The following COG5 variants were observed in gnomAD, a reference collection of about 807,000 sequenced individuals.
COG5 encodes the protein component of oligomeric golgi complex 5, also known as conserved oligomeric Golgi complex subunit 5.
Under a neutral mutation model 110.4 loss-of-function variants are expected in COG5, and 86 were observed. That is an observed-to-expected ratio of 0.78 (90% CI 0.65 to 0.93). The LOEUF is 0.93. Among genes scored for constraint, COG5 ranks in the 40% least tolerant of loss-of-function variants. The probability of loss-of-function intolerance (pLI) is 0.00; values close to 1 mark genes in which losing one functional copy is unlikely to be tolerated. For synonymous variants in COG5, 360 were observed against 334.6 expected, an observed-to-expected ratio of 1.08 and a Z score of -0.83; for missense variants, 1,077 against 987.0, an observed-to-expected ratio of 1.09 and a Z score of -1.22.
intron 11 of COG5, among the ~76,000 whole-genome samples, chr7:107,305,252 G>A (rs1447551139): frequency 1.3e-5 from 2 of 152,166 alleles, no homozygotes; most frequent in East Asian, 1.9e-4. Flanking sequence ...CTGTTGTTTG[G>A]AGGATTTGGC....
intron 10 of COG5, among the ~76,000 whole-genome samples, chr7:107,338,548 C>G (rs1406182307): frequency 6.6e-6 from 1 of 151,960 alleles, no homozygotes; most frequent in Non-Finnish European, 1.5e-5. Context: ...GCTCCTAGAC[C>G]AAAATAAGGA....
chr7:107,203,432 A>G lies in COG5; in HGVS notation c.*84T>C. The G allele has an allele frequency of 3.5e-6, 3 of 862,420 alleles. No individual in the cohort carries two copies. Among genetic ancestry groups the G allele is most frequent in the South Asian group, 1.3e-5 (1 of 75,350 alleles). 53.4% of individuals were successfully genotyped at this position (862,420 alleles called of 1,614,324 possible). A position where few individuals can be genotyped will look rare whatever the true frequency, so the allele number is the denominator to read the frequency against. ...CAATTACATTCTTAAAATAGTAGAT[A>G]GTAGCAGTCTTTTGGAGTATGTGTT... On this transcript the variant is annotated 3_prime_UTR_variant, in exon 22 of 22. Transcript: ENST00000297135.
At chr7:107,423,211 C>T (rs117026964) in intron 6 of COG5, among the ~76,000 whole-genome samples, 1 of 150,148 alleles carries the variant, frequency 6.7e-6, no homozygotes, top group Non-Finnish European at 1.5e-5. Flanking sequence ...ATAAACCACA[C>T]TTTTATATTT....
intron 18 of COG5, among the ~76,000 whole-genome samples, chr7:107,234,968 A>G (rs1801064123): frequency 6.6e-6 from 1 of 152,228 alleles, no homozygotes; most frequent in Admixed American, 6.5e-5. Flanking sequence ...AAAAGGTAAA[A>G]AGAGCCATAT....
intron 6 of COG5, among the ~76,000 whole-genome samples, chr7:107,522,897 T>C (rs887564074): frequency 6.6e-6 from 1 of 152,254 alleles, no homozygotes; most frequent in Non-Finnish European, 1.5e-5. Flanking sequence ...GATCTTTATG[T>C]CTTGATTACT....
intron 11 of COG5, among the ~76,000 whole-genome samples, chr7:107,304,648 T>C (rs1315917362): frequency 6.6e-6 from 1 of 152,206 alleles, no homozygotes; most frequent in Non-Finnish European, 1.5e-5. Context: ...ATCTTAGGTC[T>C]TGTCTTAGTC....
chr7:107,540,675 ATTAT>A (rs1801916034), intron 5 of COG5, among the ~76,000 whole-genome samples: 1 of 151,476 alleles, frequency 6.6e-6, no homozygotes, highest in African/African-American at 2.4e-5. Flanking sequence ...AAAGTCCAAC[ATTAT>A]TTAAAAGAAA....
At chr7:107,345,807 A>G (rs1343460011) in intron 10 of COG5, among the ~76,000 whole-genome samples, 1 of 152,238 alleles carries the variant, frequency 6.6e-6, no homozygotes, top group Admixed American at 6.5e-5. Context: ...AACTATTTAT[A>G]TGCCCACCTA....
chr7:107,549,776 C>T (rs1489633573), intron 3 of COG5, among the ~76,000 whole-genome samples: 3 of 151,980 alleles, frequency 2.0e-5, no homozygotes, highest in Non-Finnish European at 2.9e-5. Flanking sequence ...TCTCCTCTGT[C>T]AGACCTCTAC....
chr7:107,409,218 A>C (rs931316472), intron 7 of COG5, among the ~76,000 whole-genome samples: 7 of 144,720 alleles, frequency 4.8e-5, no homozygotes, highest in Non-Finnish European at 1.0e-4. Context: ...GAAACCAAAA[A>C]GCAACGTCAA....
chr7:107,380,842 C>T lies in COG5; in HGVS notation c.670-8082G>A, dbSNP rs1225804952. On this transcript the variant is annotated intron_variant, in intron 7 of 21. Coordinates refer to ENST00000297135, the MANE Select transcript of COG5 (RefSeq NM_006348.5). The stretch of plus-strand genomic sequence containing the variant: ...GCATCATCCTGATACCAAAACCTGG[C>T]AGAGACACAACAACAAAAAAAAATT... Among the ~76,000 whole-genome samples, 3 of 151,750 alleles carry T rather than the reference C, an allele frequency of 2.0e-5. No individual in the cohort carries two copies. In the East Asian group the frequency reaches 5.8e-4, roughly 29 times the overall value.
chr7:107,362,523 G>T, intron 8 of COG5, 103 bp from the exon 9 acceptor site: 1 of 736,496 alleles, frequency 1.4e-6, no homozygotes, highest in Non-Finnish European at 2.3e-6. Flanking sequence ...AAAATGAGAA[G>T]TTCCTTCTTT....
At chr7:107,425,168 A>C (rs1460154797) in intron 6 of COG5, among the ~76,000 whole-genome samples, 1 of 152,174 alleles carries the variant, frequency 6.6e-6, no homozygotes, top group East Asian at 1.9e-4. Flanking sequence ...ACACTTAGAA[A>C]AACACAGTGA....
chr7:107,527,924 T>C (rs1356698810), intron 5 of COG5, among the ~76,000 whole-genome samples: 1 of 152,184 alleles, frequency 6.6e-6, no homozygotes, highest in Admixed American at 6.5e-5. Context: ...TATGTTTTCA[T>C]GTTTTTAATA....
intron 6 of COG5, among the ~76,000 whole-genome samples, chr7:107,454,002 T>C (rs981853071): frequency 6.6e-6 from 1 of 152,178 alleles, no homozygotes; most frequent in Non-Finnish European, 1.5e-5. Context: ...AAAAAATTCA[T>C]TAATGATACT....
At chr7:107,501,707 T>G (rs528201010) in intron 6 of COG5, among the ~76,000 whole-genome samples, 1 of 152,162 alleles carries the variant, frequency 6.6e-6, no homozygotes, top group Non-Finnish European at 1.5e-5. Context: ...TTCTATATGC[T>G]TATCTCTACC....
intron 19 of COG5, among the ~76,000 whole-genome samples, chr7:107,212,310 C>G (rs928038088): frequency 6.6e-6 from 1 of 152,148 alleles, no homozygotes; most frequent in Non-Finnish European, 1.5e-5. Context: ...ACCAGAAAGC[C>G]ATAAAGCTCC....
intron 6 of COG5, among the ~76,000 whole-genome samples, chr7:107,499,221 T>C (rs534405208): frequency 1.1e-3 from 173 of 152,306 alleles, no homozygotes; most frequent in South Asian, 2.1e-3. Context: ...TCTAGAGATC[T>C]GCTGTTCAAT....
intron 6 of COG5, among the ~76,000 whole-genome samples, chr7:107,469,149 A>G (rs1054239883): frequency 6.6e-6 from 1 of 151,746 alleles, no homozygotes; most frequent in Non-Finnish European, 1.5e-5. Flanking sequence ...TAACTTATAA[A>G]GACATGTAAC....
Sources: allele counts gnomAD v4.1 joint callset (sites outside exome capture counted in the v4.1 genomes callset), GRCh38; gene constraint gnomAD v4.1.1; transcripts MANE v1.5; gene names NCBI Gene and HGNC (gene_info 2026-07-23, HGNC 2026-07-21).